The following PITPNA variants were observed in gnomAD, a reference collection of about 807,000 sequenced individuals.
PITPNA encodes the protein phosphatidylinositol transfer protein alpha.
PITPNA carries 13 observed loss-of-function variants against 50.3 expected under a neutral mutation model. The ratio of observed to expected loss-of-function variants is 0.26; its 90% CI spans 0.17 to 0.41. The LOEUF is 0.41. Among genes scored for constraint, PITPNA ranks in the 10% least tolerant of loss-of-function variants. The probability of loss-of-function intolerance (pLI) is 1.00; values close to 1 mark genes in which losing one functional copy is unlikely to be tolerated. For missense variants in PITPNA, 207 were observed against 333.4 expected (o/e 0.62, Z 2.95); for synonymous variants, 120 against 119.6 (o/e 1.00, Z -0.02).
rs869029944 is a variant in PITPNA at position 1,521,873 on chromosome 17, C to CTTT, written c.769-231_769-229dup. 2.7e-3 allele frequency among the ~76,000 whole-genome samples: 329 copies of CTTT among 121,814 alleles called. 11 individuals are homozygous for CTTT. Among genetic ancestry groups the CTTT allele is most frequent in the African/African-American group, 0.01 (307 of 30,698 alleles). 79.9% of individuals were successfully genotyped at this position (121,814 alleles called of 152,430 possible). On this transcript the variant is annotated intron_variant, in intron 10 of 11. Transcript: ENST00000313486. ...TCTCGTGTCACGGTGTTTGAAGCAC[C>CTTT]TTTTTTTTTTTTTTTTTTTTGGTAA...
intron 10 of PITPNA, among the ~76,000 whole-genome samples, chr17:1,533,352 G>A (rs1262932615): frequency 6.6e-6 from 1 of 152,156 alleles, no homozygotes; most frequent in Non-Finnish European, 1.5e-5. Context: ...GAGCACCGCA[G>A]CATTGAGCTC....
chr17:1,524,384 A>C (rs2075534748), intron 10 of PITPNA, among the ~76,000 whole-genome samples: 1 of 139,098 alleles, frequency 7.2e-6, no homozygotes, highest in Non-Finnish European at 1.5e-5. Flanking sequence ...TCACTGTGTC[A>C]CTCAGGCTGG....
chr17:1,537,413 G>T (rs2075624647), intron 7 of PITPNA, among the ~76,000 whole-genome samples: 2 of 152,052 alleles, frequency 1.3e-5, no homozygotes, highest in African/African-American at 4.8e-5. Flanking sequence ...TGGCCAAGCT[G>T]GTCTCAAACT....
At chr17:1,521,851 C>T (rs11867459) in intron 10 of PITPNA, among the ~76,000 whole-genome samples, 21,333 of 148,598 alleles carry the variant, frequency 0.14, 1,781 homozygotes, top group African/African-American at 0.21. Context: ...CTAGTTCTCT[C>T]GTGTCACGGT....
At chr17:1,552,317 G>A (rs2075713727) in intron 3 of PITPNA, among the ~76,000 whole-genome samples, 2 of 152,210 alleles carry the variant, frequency 1.3e-5, no homozygotes, top group Non-Finnish European at 2.9e-5. Flanking sequence ...AAACTAGCTT[G>A]GTTTGACTTC....
chr17:1,535,173 G>C lies in PITPNA; in HGVS notation c.645+9C>G. Reference sequence around the variant, plus strand: ...CAGTCACTGGGAAGGCCTCAGCCGAGCTACTTACCTTATGGATGAAGTTCT... The same window carrying C: ...CAGTCACTGGGAAGGCCTCAGCCGACCTACTTACCTTATGGATGAAGTTCT... On this transcript the variant is annotated intron_variant, in intron 9 of 11. Coordinates refer to ENST00000313486, the MANE Select transcript of PITPNA (RefSeq NM_006224.4). 6.4e-7 allele frequency: 1 copy of C among 1,567,664 alleles called. No homozygotes were observed. The highest frequency in any genetic ancestry group is 1.1e-5 in the South Asian group (1 of 90,034).
intron 10 of PITPNA, among the ~76,000 whole-genome samples, chr17:1,523,440 CAA>C (rs2075526862): frequency 1.3e-5 from 2 of 150,684 alleles, no homozygotes; most frequent in Admixed American, 1.3e-4. Flanking sequence ...CTCCCTGGCT[CAA>C]GTGATCCTCC....
chr17:1,534,258 G>C, intron 9 of PITPNA, 37 bp from the exon 10 acceptor site: 1 of 1,612,184 alleles, frequency 6.2e-7, no homozygotes, highest in Non-Finnish European at 8.5e-7. Context: ...AACGCAGAAG[G>C]CAAAGGCTGC....
Position 1,535,174 on chromosome 17 carries a change from C to T in PITPNA, c.645+8G>A, listed in dbSNP as rs1460899743. 1 of 1,573,792 alleles carries T rather than the reference C, an allele frequency of 6.4e-7. No individual in the cohort carries two copies. Among genetic ancestry groups the T allele is most frequent in the African/African-American group, 1.3e-5 (1 of 74,136 alleles). ...AGTCACTGGGAAGGCCTCAGCCGAG[C>T]TACTTACCTTATGGATGAAGTTCTC... is the stretch of plus-strand genomic sequence containing the variant. On this transcript the variant is annotated splice_region_variant and intron_variant, in intron 9 of 11. Coordinates refer to ENST00000313486, the MANE Select transcript of PITPNA (RefSeq NM_006224.4).
intron 10 of PITPNA, among the ~76,000 whole-genome samples, chr17:1,524,343 C>CTT (rs398041515): frequency 3.2e-4 from 39 of 121,000 alleles, no homozygotes; most frequent in African/African-American, 7.3e-4. Flanking sequence ...CGCACCTGGC[C>CTT]TTTTTTTTTT....
intron 10 of PITPNA, among the ~76,000 whole-genome samples, chr17:1,533,493 A>T (rs1266284866): frequency 6.6e-6 from 1 of 151,954 alleles, no homozygotes; most frequent in Non-Finnish European, 1.5e-5. Flanking sequence ...GAATGTTACT[A>T]ACTGACAATC....
intron 11 of PITPNA, among the ~76,000 whole-genome samples, chr17:1,520,884 G>C (rs772885954): frequency 1.3e-5 from 2 of 152,192 alleles, no homozygotes; most frequent in Non-Finnish European, 2.9e-5. Context: ...ATTGGGAGCA[G>C]AGCCAGGTTT....
At position 1,562,496 on chromosome 17, in the gene PITPNA, C is replaced by T. The variant is rs1172767197; in HGVS notation, c.20+45G>A. On this transcript the variant is annotated intron_variant, in intron 1 of 11. Transcript: ENST00000313486. The surrounding 1 kb of genome is among the most constrained non-coding windows in gnomAD (Gnocchi z 6.4). ...CGCGCCGTCGCCCCGGCGGCCGTCCCCACCCTCCCTCCTCCCCGCTTCCGC... is the reference window on the plus strand; with the variant it reads ...CGCGCCGTCGCCCCGGCGGCCGTCCTCACCCTCCCTCCTCCCCGCTTCCGC... 2.1e-6 allele frequency: 3 copies of T among 1,402,034 alleles called. No individual in the cohort carries two copies. Among genetic ancestry groups the T allele is most frequent in the Non-Finnish European group, 2.8e-6 (3 of 1,065,112 alleles). The allele number at this position is 1,402,034 out of a possible 1,614,324, so 86.8% of individuals were successfully genotyped here.
chr17:1,543,437 GT>G (rs1369230600), intron 4 of PITPNA, among the ~76,000 whole-genome samples: 2 of 152,126 alleles, frequency 1.3e-5, no homozygotes, highest in African/African-American at 2.4e-5. Context: ...GCCATGCACT[GT>G]ATCTGCCTCC....
intron 8 of PITPNA, 40 bp from the exon 9 acceptor site, chr17:1,535,332 G>A (rs759604776): frequency 7.8e-6 from 12 of 1,542,972 alleles, no homozygotes; most frequent in Admixed American, 6.7e-5. Flanking sequence ...AAGTAACAAC[G>A]GGCAGACCTC....
At position 1,535,269 on chromosome 17, in the gene PITPNA, G is replaced by A. The variant is rs756529699; in HGVS notation, c.558C>T (p.Asp186=). 26 of 1,613,182 alleles carry A rather than the reference G, an allele frequency of 1.6e-5. No homozygotes were observed. In the African/African-American group the frequency reaches 2.8e-4, roughly 17 times the overall value. Residue 186 remains aspartate (D), a synonymous_variant, in exon 9 of 12, where the codon GAC becomes GAT. Transcript: ENST00000313486. ...GTTTGTATGCACACATATATGGGCA[G>A]TCCTTCTGGTTTACAAGCTCTTGCT... ...NWKQELVNQK[D]CPYMCAYKLV...
chr17:1,528,889 A>C (rs1187635852), intron 10 of PITPNA, among the ~76,000 whole-genome samples: 1 of 150,110 alleles, frequency 6.7e-6, no homozygotes, highest in Non-Finnish European at 1.5e-5. Context: ...TGTAATCCCA[A>C]CACTTTGGGA....
intron 11 of PITPNA, 133 bp downstream of exon 11, chr17:1,521,446 T>G (rs2075511949): frequency 1.5e-6 from 1 of 682,310 alleles, no homozygotes; most frequent in Non-Finnish European, 2.7e-6. Context: ...TGGAGAGCTA[T>G]CGAGCGTGGC....
In PITPNA at chr17:1,520,501, A is replaced by T. The variant is rs913405309; in HGVS notation, c.*60T>A. On this transcript the variant is annotated 3_prime_UTR_variant, in exon 12 of 12. Coordinates refer to ENST00000313486, the MANE Select transcript of PITPNA (RefSeq NM_006224.4). ...AATGGCCTGTCACTTGGGAGGGTGGAGCTGCTGGGTCTTCCTGTTGACCAC... is the reference window on the plus strand; with the variant it reads ...AATGGCCTGTCACTTGGGAGGGTGGTGCTGCTGGGTCTTCCTGTTGACCAC... 6.5e-6 allele frequency: 1 copy of T among 152,832 alleles called. No individual in the cohort carries two copies. The highest frequency in any genetic ancestry group is 2.4e-5 in the African/African-American group (1 of 41,582). The allele number at this position is 152,832 out of a possible 1,614,324, so 9.5% of individuals were successfully genotyped here.
Sources: allele counts gnomAD v4.1 joint callset (sites outside exome capture counted in the v4.1 genomes callset), GRCh38; gene constraint gnomAD v4.1.1; non-coding constraint Gnocchi (gnomAD v3.1); transcripts MANE v1.5; gene names NCBI Gene and HGNC (gene_info 2026-07-23, HGNC 2026-07-21).